Variants in KLRG1 observed in about 807,000 individuals in gnomAD.
KLRG1 encodes the protein killer cell lectin like receptor G1.
KLRG1 carries 16 observed loss-of-function variants against 21.8 expected under a neutral mutation model. The ratio of observed to expected loss-of-function variants is 0.73; its 90% CI spans 0.50 to 1.11. The LOEUF is 1.11. KLRG1 is among the 50% of genes most tolerant of loss of function. The pLI is 0.00. For missense variants in KLRG1, 173 were observed against 218.3 expected (o/e 0.79, Z 1.31); for synonymous variants, 69 against 75.9 (o/e 0.91, Z 0.47).
At chr12:9,211,127 C>T in the KLRG1 span, among the ~76,000 whole-genome samples, 1 of 152,112 alleles carries the variant, frequency 6.6e-6, no homozygotes, top group Non-Finnish European at 1.5e-5. Flanking sequence ...ATTTTCGTAT[C>T]CCCATATTGC....
intron 1 of KLRG1, among the ~76,000 whole-genome samples, chr12:8,950,535 T>C (rs937642358): frequency 5.9e-5 from 9 of 152,216 alleles, no homozygotes; most frequent in African/African-American, 2.2e-4. Flanking sequence ...TAACAATTTC[T>C]TCCTGTGGAC....
At chr12:9,122,261 C>T in the KLRG1 span, among the ~76,000 whole-genome samples, 3 of 152,088 alleles carry the variant, frequency 2.0e-5, no homozygotes, top group African/African-American at 7.2e-5. Context: ...CTTTGATGAA[C>T]AGAAAATAAG....
chr12:9,209,406 A>G, the KLRG1 span, among the ~76,000 whole-genome samples: 1 of 152,098 alleles, frequency 6.6e-6, no homozygotes, highest in East Asian at 1.9e-4. Context: ...AGAATGAAAT[A>G]ATTTCTTTTA....
chr12:8,964,322 C>T (rs1226668322), intron 1 of KLRG1, among the ~76,000 whole-genome samples: 1 of 152,198 alleles, frequency 6.6e-6, no homozygotes, highest in Non-Finnish European at 1.5e-5. Flanking sequence ...GCAGATTGCT[C>T]AGCTTCTATG....
the KLRG1 span, among the ~76,000 whole-genome samples, chr12:9,111,797 T>A: frequency 6.6e-6 from 1 of 152,216 alleles, no homozygotes; most frequent in South Asian, 2.1e-4. Flanking sequence ...ATAGTGAAGA[T>A]TTTGGTAGAT....
At chr12:9,072,716 T>C in the KLRG1 span, 1 of 1,614,038 alleles carries the variant, frequency 6.2e-7, no homozygotes, top group Non-Finnish European at 8.5e-7. Context: ...GCTCTGGCAA[T>C]GAGACCTGCT....
At chr12:9,213,862 T>A in the KLRG1 span, among the ~76,000 whole-genome samples, 1 of 152,192 alleles carries the variant, frequency 6.6e-6, no homozygotes, top group East Asian at 1.9e-4. Flanking sequence ...CATTTTTTGG[T>A]TCATTGTGCT....
chr12:9,012,646 G>A (rs1947648073), downstream of KLRG1, among the ~76,000 whole-genome samples: 1 of 151,690 alleles, frequency 6.6e-6, no homozygotes, highest in South Asian at 2.1e-4. Flanking sequence ...AGACTAATGG[G>A]GACTCTGTCT....
At chr12:9,183,424 G>A in the KLRG1 span, among the ~76,000 whole-genome samples, 16 of 151,606 alleles carry the variant, frequency 1.1e-4, no homozygotes, top group Non-Finnish European at 1.6e-4. Context: ...TTTTGAGACA[G>A]GGTCTTGCTC....
chr12:8,971,638 G>A (rs1257972942), intron 1 of KLRG1, among the ~76,000 whole-genome samples: 1 of 149,522 alleles, frequency 6.7e-6, no homozygotes, highest in Admixed American at 6.7e-5. Flanking sequence ...TTACAGGCGT[G>A]TGCTACCACA....
chr12:9,058,394 A>G, the KLRG1 span: 1 of 152,206 alleles, frequency 6.6e-6, no homozygotes, highest in African/African-American at 2.4e-5. Flanking sequence ...GATGAAGCTT[A>G]TTTATGGAAA....
At chr12:9,101,211 C>T in the KLRG1 span, 1 of 1,555,778 alleles carries the variant, frequency 6.4e-7, no homozygotes, top group Non-Finnish European at 8.7e-7. Context: ...CCATTATCTG[C>T]AAAAAAGGAA....
chr12:9,205,972 A>G, the KLRG1 span, among the ~76,000 whole-genome samples: 2 of 152,098 alleles, frequency 1.3e-5, no homozygotes, highest in Non-Finnish European at 2.9e-5. Flanking sequence ...TATGCCATGA[A>G]TCTCCAGGGC....
intron 1 of KLRG1, among the ~76,000 whole-genome samples, chr12:8,971,971 C>T (rs890503118): frequency 2.6e-5 from 4 of 152,182 alleles, no homozygotes; most frequent in Non-Finnish European, 4.4e-5. Context: ...TTCACTCTGT[C>T]GATTGTTTCC....
chr12:9,197,399 T>C, the KLRG1 span, among the ~76,000 whole-genome samples: 1 of 141,964 alleles, frequency 7.0e-6, no homozygotes, highest in African/African-American at 2.6e-5. Flanking sequence ...ATTATAATTA[T>C]TATATTTTAA....
intron 1 of KLRG1, among the ~76,000 whole-genome samples, chr12:8,966,885 CTT>C (rs1238030300): frequency 6.7e-6 from 1 of 150,066 alleles, no homozygotes; most frequent in Non-Finnish European, 1.5e-5. Context: ...CACATGCACA[CTT>C]ATGTTTATTG....
the KLRG1 span, among the ~76,000 whole-genome samples, chr12:9,103,049 C>A: frequency 1.3e-5 from 2 of 151,972 alleles, no homozygotes; most frequent in South Asian, 4.2e-4. Flanking sequence ...GCATGCTATA[C>A]CGAATAACTT....
chr12:8,987,045 A>G (rs920695474), upstream of KLRG1: 2 of 151,642 alleles, frequency 1.3e-5, no homozygotes, highest in African/African-American at 4.9e-5. Flanking sequence ...AGCCAATTAA[A>G]CCTCTTTTCT....
At chr12:9,107,020 A>G in the KLRG1 span, among the ~76,000 whole-genome samples, 1 of 152,216 alleles carries the variant, frequency 6.6e-6, no homozygotes, top group Non-Finnish European at 1.5e-5. Flanking sequence ...AAATAGTTCA[A>G]GTCCTGTCCA....
Sources: allele counts gnomAD v4.1 joint callset (sites outside exome capture counted in the v4.1 genomes callset), GRCh38; gene constraint gnomAD v4.1.1; transcripts MANE v1.5; gene names NCBI Gene and HGNC (gene_info 2026-07-23, HGNC 2026-07-21).